PITRM1: variants seen among roughly 807,000 people sequenced by gnomAD.
The protein encoded by PITRM1 is pitrilysin metallopeptidase 1.
PITRM1 carries 100 observed loss-of-function variants against 129.9 expected under a neutral mutation model. The observed-to-expected ratio is 0.77, with a 90% confidence interval of 0.65 to 0.91. The LOEUF (loss-of-function observed/expected upper bound fraction) is 0.91, where lower values mean the gene tolerates loss of function less well. Among genes scored for constraint, PITRM1 ranks in the 40% least tolerant of loss-of-function variants. The probability of loss-of-function intolerance (pLI) is 0.00; values close to 1 mark genes in which losing one functional copy is unlikely to be tolerated. For missense variants in PITRM1, 1,471 were observed against 1,318.3 expected (o/e 1.12, Z -1.79); for synonymous variants, 591 against 508.8 (o/e 1.16, Z -2.17).
At chr10:3,146,905 A>G (rs188385684) in intron 20 of PITRM1, 63 of 301,982 alleles carry the variant, frequency 2.1e-4, no homozygotes, top group Admixed American at 9.9e-4. Context: ...TGGAAGCAAT[A>G]TAACTACTTG....
rs1839684733 is a variant in PITRM1, at chr10:3,137,806, A to T, written c.*225T>A. 1.8e-6 allele frequency: 1 copy of T among 548,508 alleles called. No individual in the cohort carries two copies. Among genetic ancestry groups the T allele is most frequent in the Non-Finnish European group, 3.3e-6 (1 of 305,226 alleles). The allele number at this position is 548,508 out of a possible 1,614,324, so 34.0% of individuals were successfully genotyped here. A position where few individuals can be genotyped will look rare whatever the true frequency, so the allele number is the denominator to read the frequency against. On this transcript the variant is annotated 3_prime_UTR_variant, in exon 27 of 27. Coordinates refer to ENST00000224949, the MANE Select transcript of PITRM1 (RefSeq NM_014889.4). ...AAAACGAGCCTGCCAGTACAAAGTG[A>T]AAATTCTACATGGTGCATCTTTGGC...
intron 14 of PITRM1, among the ~76,000 whole-genome samples, chr10:3,152,630 C>T (rs1371535611): frequency 2.0e-5 from 3 of 152,256 alleles, no homozygotes; most frequent in Non-Finnish European, 1.5e-5. Context: ...CCCAATGGCA[C>T]GGAGCTCAGA....
chr10:3,145,506 C>T, intron 21 of PITRM1, 90 bp downstream of exon 21: 1 of 1,120,636 alleles, frequency 8.9e-7, no homozygotes, highest in East Asian at 2.6e-5. Flanking sequence ...TGCTGGACTG[C>T]TCTGAGAATT....
intron 7 of PITRM1, among the ~76,000 whole-genome samples, chr10:3,161,142 T>G (rs958649346): frequency 1.3e-5 from 2 of 152,196 alleles, no homozygotes; most frequent in African/African-American, 4.8e-5. Context: ...TCCTCCCATC[T>G]TGGCCTCCGT....
intron 20 of PITRM1, chr10:3,146,196 A>C (rs1840842887): frequency 6.1e-6 from 1 of 165,208 alleles, no homozygotes; most frequent in African/African-American, 2.4e-5. Flanking sequence ...AGAATTGCAA[A>C]TACTACTATC....
rs926857186 is a variant in PITRM1, at chr10:3,145,635, A to G, written c.2418T>C (p.Ser806=). ...VEDFLRSIGR[S]KKERRPVRPH... ...GGCGCACAGGCCTCCGTTCCTTTTT[A>G]CTCCGACCGATGCTTCTAAGGAAGT... is the stretch of plus-strand genomic sequence containing the variant. Residue 806 remains serine (S), a synonymous_variant, in exon 21 of 27, where the codon AGT becomes AGC. Coordinates refer to ENST00000224949, the MANE Select transcript of PITRM1 (RefSeq NM_014889.4). The G allele has an allele frequency of 3.2e-6, 5 of 1,549,862 alleles. No individual in the cohort carries two copies. In the African/African-American group the frequency reaches 6.9e-5, roughly 21 times the overall value.
At chr10:3,160,369 T>A in intron 7 of PITRM1, 39 bp from the exon 8 acceptor site, 2 of 1,539,126 alleles carry the variant, frequency 1.3e-6, no homozygotes, top group Non-Finnish European at 1.8e-6. Flanking sequence ...TGTTTTAGTT[T>A]AAAAGATGTG....
Position 3,139,048 on chromosome 10 carries a change from C to G in PITRM1, c.2773G>C (p.Asp925His). 6.2e-7 allele frequency: 1 copy of G among 1,612,878 alleles called. No homozygotes were observed. Among genetic ancestry groups the G allele is most frequent in the Non-Finnish European group, 8.5e-7 (1 of 1,179,446 alleles). Residue 925 changes from aspartate (D) to histidine (H), a missense_variant and splice_region_variant, in exon 25 of 27, where the codon GAC (aspartate) becomes CAC (histidine). Asp to His is a moderately conservative substitution (Grantham distance 81, BLOSUM62 -1). Transcript: ENST00000224949. ...NGIFTLYSYRDPNTIETLQSF... is the reference protein window; with the variant it reads ...NGIFTLYSYRHPNTIETLQSF... ...TGGAGCGTCTCTATTGTATTTGGGT[C>G]CCTAGGAAACCCAGAGAAATAAACG...
Position 3,139,017 on chromosome 10 carries a change from A to G in PITRM1, c.2804T>C (p.Phe935Ser), listed in dbSNP as rs532421107. The G allele has an allele frequency of 1.7e-5, 27 of 1,613,940 alleles. No individual in the cohort carries two copies. The Admixed American group carries it at 4.3e-4, about 26-fold the overall frequency. ...CTTAGCCCAGTCGACAGCCTTCCCA[A>G]AAGACTGGAGCGTCTCTATTGTATT... The part of the protein sequence containing the change: ...DPNTIETLQS[F>S]GKAVDWAKSG... Residue 935 changes from phenylalanine (F) to serine (S), a missense_variant, in exon 25 of 27, where the codon TTT (phenylalanine) becomes TCT (serine). By Grantham distance (155) the Phe-to-Ser change is radical. Transcript: ENST00000224949.
At chr10:3,139,494 G>T (rs762717987) in intron 24 of PITRM1, among the ~76,000 whole-genome samples, 2 of 151,858 alleles carry the variant, frequency 1.3e-5, no homozygotes, top group Non-Finnish European at 2.9e-5. Flanking sequence ...ACTTCCCTTC[G>T]TGTAAATGCA....
At chr10:3,171,785 A>G (rs1843383109) in intron 1 of PITRM1, among the ~76,000 whole-genome samples, 1 of 152,172 alleles carries the variant, frequency 6.6e-6, no homozygotes, top group Admixed American at 6.5e-5. Context: ...TCACACCTGT[A>G]ACCCCGCAAT....
chr10:3,161,348 C>T (rs565255608), intron 7 of PITRM1, among the ~76,000 whole-genome samples: 4 of 152,284 alleles, frequency 2.6e-5, no homozygotes, highest in East Asian at 3.9e-4. Flanking sequence ...AGGTTATACA[C>T]GTTTATAAAG....
At chr10:3,162,878 A>G (rs1384247927) in intron 7 of PITRM1, among the ~76,000 whole-genome samples, 1 of 152,162 alleles carries the variant, frequency 6.6e-6, no homozygotes, top group Admixed American at 6.5e-5. Context: ...TGCAACAAAC[A>G]CTTTGGGGCC....
chr10:3,158,218 G>T, intron 10 of PITRM1, 65 bp from the exon 11 acceptor site: 1 of 891,604 alleles, frequency 1.1e-6, no homozygotes, highest in Non-Finnish European at 1.8e-6. Context: ...CTCGTAATAT[G>T]CTTGATTTAA....
intron 2 of PITRM1, among the ~76,000 whole-genome samples, chr10:3,169,085 G>T (rs565835388): frequency 6.6e-6 from 1 of 152,206 alleles, no homozygotes; most frequent in South Asian, 2.1e-4. Context: ...TGGGCGACAG[G>T]GTGAGTCCCA....
intron 25 of PITRM1, 111 bp downstream of exon 25, chr10:3,138,793 A>G (rs760607526): frequency 1.0e-6 from 1 of 982,060 alleles, no homozygotes; most frequent in South Asian, 1.3e-5. Context: ...ACAAGCAAGG[A>G]TGGAGGCACC....
intron 18 of PITRM1, 42 bp from the exon 19 acceptor site, chr10:3,147,779 C>T: frequency 6.6e-7 from 1 of 1,515,282 alleles, no homozygotes; most frequent in Non-Finnish European, 8.9e-7. Flanking sequence ...AGACCCATTC[C>T]TCACGTCCCT....
intron 2 of PITRM1, among the ~76,000 whole-genome samples, chr10:3,167,522 T>C (rs1392741678): frequency 6.6e-6 from 1 of 152,176 alleles, no homozygotes; most frequent in African/African-American, 2.4e-5. Context: ...GTGTCTGCCC[T>C]TCCCATGGTA....
intron 2 of PITRM1, among the ~76,000 whole-genome samples, chr10:3,167,416 T>C (rs1842966369): frequency 6.6e-6 from 1 of 152,244 alleles, no homozygotes; most frequent in Non-Finnish European, 1.5e-5. Flanking sequence ...TATAATCCTG[T>C]GAGGGAGGTA....
Sources: gnomAD v4.1 joint callset for allele counts (sites outside exome capture counted in the v4.1 genomes callset) on GRCh38, gnomAD v4.1.1 for gene constraint, MANE v1.5 for transcripts, NCBI Gene and HGNC (gene_info 2026-07-23, HGNC 2026-07-21) for gene names.